The following EVC variants were observed in gnomAD, a reference collection of about 807,000 sequenced individuals.
The protein encoded by EVC is EvC ciliary complex subunit 1, also known as evC complex member EVC.
In EVC, 116 loss-of-function variants were observed where a neutral mutation model predicts 118.9. That is an observed-to-expected ratio of 0.98 (90% confidence interval 0.84 to 1.14). The LOEUF (loss-of-function observed/expected upper bound fraction) is 1.14, where lower values mean the gene tolerates loss of function less well. Among genes scored for constraint, EVC ranks in the 50% most tolerant of loss-of-function variants. EVC has a pLI of 0.00. For missense variants in EVC, 1,401 were observed against 1,246.4 expected, an observed-to-expected ratio of 1.12 and a Z score of -1.87; for synonymous variants, 619 against 534.7, an observed-to-expected ratio of 1.16 and a Z score of -2.18.
rs531227616 is a variant in EVC at position 5,720,806 on chromosome 4, T to A, written c.300+1433T>A. Among the ~76,000 whole-genome samples the A allele has an allele frequency of 2.6e-5, 4 of 152,344 alleles. No homozygotes were observed. The East Asian group carries it at 7.7e-4, about 29-fold the overall frequency. On this transcript the variant is annotated intron_variant, in intron 2 of 20. Transcript: ENST00000264956. The stretch of plus-strand genomic sequence containing the variant: ...TGTTTAACTTTACCGTTGGTAATTA[T>A]TATCTTGATAATGGGCATCTGCTAG...
chr4:5,816,623 CTCCCTCCCTCCTTCCCCTCTCTCCCT>C (rs1255062277), downstream of EVC, among the ~76,000 whole-genome samples: 3,286 of 127,942 alleles, frequency 0.026, 78 homozygotes, highest in Admixed American at 0.043. Flanking sequence ...TCCTTCTTTT[CTCCCTCCCTCCTTCCCCTCTCTCCCT>C]TCCCTCCCTC....
chr4:5,751,568 G>T (rs1376100829), intron 8 of EVC, among the ~76,000 whole-genome samples: 2 of 152,242 alleles, frequency 1.3e-5, no homozygotes, highest in Non-Finnish European at 2.9e-5. Context: ...GTCTTGTGTT[G>T]TGGGAACAGA....
chr4:5,723,999 G>A (rs1406177215), intron 2 of EVC, among the ~76,000 whole-genome samples: 1 of 152,182 alleles, frequency 6.6e-6, no homozygotes, highest in East Asian at 1.9e-4. Context: ...ATTTTAAGAG[G>A]CACATCGATG....
intron 11 of EVC, among the ~76,000 whole-genome samples, chr4:5,760,406 G>C (rs6828563): frequency 0.15 from 22,794 of 152,038 alleles, 1,821 homozygotes; most frequent in South Asian, 0.2. Flanking sequence ...GTAACATCAG[G>C]AGAGGGTGAC....
At chr4:5,766,800 T>G (rs1288659041) in intron 11 of EVC, among the ~76,000 whole-genome samples, 2 of 139,650 alleles carry the variant, frequency 1.4e-5, no homozygotes, top group African/African-American at 5.4e-5. Context: ...TAGTTATACA[T>G]TCATCTAAAT....
chr4:5,809,041 A>G (rs1234403908), intron 18 of EVC, among the ~76,000 whole-genome samples: 1 of 152,172 alleles, frequency 6.6e-6, no homozygotes, highest in East Asian at 1.9e-4. Context: ...CTTTCCAACA[A>G]AAGAGGTTAC....
At chr4:5,784,771 C>T (rs112347910) in intron 12 of EVC, among the ~76,000 whole-genome samples, 13,660 of 151,952 alleles carry the variant, frequency 0.09, 658 homozygotes, top group Middle Eastern at 0.15. Context: ...CCACGCCTGG[C>T]TAATTTTTGT....
chr4:5,799,148 AAG>A (rs1283630938), intron 15 of EVC, among the ~76,000 whole-genome samples: 4 of 152,210 alleles, frequency 2.6e-5, no homozygotes, highest in East Asian at 1.9e-4. Flanking sequence ...CTCTCTCAGA[AAG>A]AGAGACGTGT....
intron 11 of EVC, among the ~76,000 whole-genome samples, chr4:5,777,608 T>A (rs1193262897): frequency 6.6e-6 from 1 of 152,196 alleles, no homozygotes; most frequent in Non-Finnish European, 1.5e-5. Context: ...TTATGAAGAT[T>A]TAATAATTAT....
chr4:5,824,063 G>A, the EVC span, among the ~76,000 whole-genome samples: 1 of 152,124 alleles, frequency 6.6e-6, no homozygotes, highest in African/African-American at 2.4e-5. Context: ...GGTGAGGAGG[G>A]GCCCTTCCAG....
chr4:5,804,692 A>G, intron 16 of EVC, 38 bp from the exon 17 acceptor site: 1 of 1,597,352 alleles, frequency 6.3e-7, no homozygotes, highest in Non-Finnish European at 8.6e-7. Flanking sequence ...TGGATCCTCC[A>G]AACAGACCCC....
the EVC span, chr4:5,828,365 A>G: frequency 6.9e-7 from 1 of 1,443,048 alleles, no homozygotes; most frequent in Non-Finnish European, 9.1e-7. Context: ...TTTAACAGAT[A>G]AGGAAACGGA....
Position 5,743,552 on chromosome 4 carries a change from C to A in EVC, c.802-1652C>A, listed in dbSNP as rs994813. Among the ~76,000 whole-genome samples the A allele has an allele frequency of 0.48, 72,322 of 151,956 alleles. 17,374 individuals carry two copies. Among genetic ancestry groups the A allele is most frequent in the Non-Finnish European group, 0.51 (34,418 of 67,958 alleles). Reference sequence around the variant, plus strand: ...ATCTTTCCTGCTACCTCTACCTTCACCTTCATTAGAGTCCTCATTGTCATC... The same window carrying A: ...ATCTTTCCTGCTACCTCTACCTTCAACTTCATTAGAGTCCTCATTGTCATC... On this transcript the variant is annotated intron_variant, in intron 6 of 20. Coordinates refer to ENST00000264956, the MANE Select transcript of EVC (RefSeq NM_153717.3). This position sits in a 1 kb window ranked among gnomAD's most constrained non-coding sequence, Gnocchi z 4.7.
intron 5 of EVC, among the ~76,000 whole-genome samples, chr4:5,740,500 A>G (rs1728369939): frequency 6.6e-6 from 1 of 151,880 alleles, no homozygotes; most frequent in Admixed American, 6.6e-5. Flanking sequence ...AAAAGAAAAA[A>G]TATAAGAGAA....
At chr4:5,712,776 C>A (rs148195071) in intron 1 of EVC, among the ~76,000 whole-genome samples, 125 of 152,260 alleles carry the variant, frequency 8.2e-4, no homozygotes, top group African/African-American at 2.8e-3. Flanking sequence ...TCAGATCCTG[C>A]TGGTGATTAA....
rs13101471 is a variant in EVC, at chr4:5,793,983, G to A, written c.1886+266G>A. On this transcript the variant is annotated intron_variant, in intron 13 of 20. Coordinates refer to ENST00000264956, the MANE Select transcript of EVC (RefSeq NM_153717.3). ...ACATTTATTTTACGAGTACAATTCA[G>A]TGATTGTTAGTAAATTTTACAGAGT... Among the ~76,000 whole-genome samples, 103,790 of 151,570 alleles carry A rather than the reference G, an allele frequency of 0.68. 35,847 individuals carry two copies. Among genetic ancestry groups the A allele is most frequent in the South Asian group, 0.81 (3,904 of 4,816 alleles).
chr4:5,720,867 G>C (rs1041800244), intron 2 of EVC, among the ~76,000 whole-genome samples: 12 of 137,896 alleles, frequency 8.7e-5, no homozygotes, highest in African/African-American at 3.2e-4. Flanking sequence ...GACATTACTA[G>C]GCAGGAAAAT....
chr4:5,826,011 A>G, the EVC span: 4 of 268,964 alleles, frequency 1.5e-5, no homozygotes, highest in South Asian at 1.2e-4. Flanking sequence ...GTGAACACGC[A>G]CACACACTTA....
intron 16 of EVC, among the ~76,000 whole-genome samples, chr4:5,803,278 G>C (rs1715329044): frequency 6.6e-6 from 1 of 152,224 alleles, no homozygotes; most frequent in Non-Finnish European, 1.5e-5. Context: ...TATCCCAGGA[G>C]AGTCTTCCCT....
Sources: gnomAD v4.1 joint callset for allele counts (sites outside exome capture counted in the v4.1 genomes callset) on GRCh38, gnomAD v4.1.1 for gene constraint, Gnocchi (gnomAD v3.1) non-coding constraint, MANE v1.5 for transcripts, NCBI Gene and HGNC (gene_info 2026-07-23, HGNC 2026-07-21) for gene names.